The following TATDN1 variants were observed in gnomAD, a reference collection of about 807,000 sequenced individuals.
TATDN1 encodes deoxyribonuclease TATDN1.
In TATDN1, 40 loss-of-function variants were observed where a neutral mutation model predicts 46.4. The observed-to-expected ratio is 0.86, with a 90% confidence interval of 0.67 to 1.12. The LOEUF (loss-of-function observed/expected upper bound fraction) is 1.12. Among genes scored for constraint, TATDN1 ranks in the 50% most tolerant of loss-of-function variants. The pLI, the probability that TATDN1 is intolerant of heterozygous loss-of-function variation, is 0.00. For missense variants in TATDN1, 326 were observed against 348.4 expected (o/e 0.94, Z 0.51); for synonymous variants, 95 against 105.6 (o/e 0.90, Z 0.62).
At chr8:124,494,503 T>C (rs572945952) in intron 10 of TATDN1, 2 of 152,216 alleles carry the variant, frequency 1.3e-5, no homozygotes, top group East Asian at 1.9e-4. Flanking sequence ...GTCCATGGTA[T>C]AAGGAGAGCC....
intron 6 of TATDN1, among the ~76,000 whole-genome samples, chr8:124,514,392 CATT>C (rs1369424794): frequency 6.6e-6 from 1 of 152,182 alleles, no homozygotes; most frequent in Non-Finnish European, 1.5e-5. Context: ...AATTGTTAAA[CATT>C]ATGATATAGC....
chr8:124,528,980 AG>A (rs1178083884), intron 1 of TATDN1, among the ~76,000 whole-genome samples: 2 of 152,214 alleles, frequency 1.3e-5, no homozygotes, highest in Non-Finnish European at 2.9e-5. Context: ...CCCACAGTGA[AG>A]GTTATGGGAT....
intron 10 of TATDN1, 111 bp downstream of exon 10, chr8:124,495,361 G>A (rs1241957942): frequency 6.7e-6 from 5 of 743,840 alleles, no homozygotes; most frequent in Non-Finnish European, 1.1e-5. Flanking sequence ...GGTTGAGCAT[G>A]CTGTTTTAAA....
At position 124,516,429 on chromosome 8, in the gene TATDN1, C is replaced by T. The variant is rs116430286; in HGVS notation, c.203-399G>A. 1.0e-3 allele frequency among the ~76,000 whole-genome samples: 159 copies of T among 151,676 alleles called. 1 individual carries two copies. Among genetic ancestry groups the T allele is most frequent in the African/African-American group, 3.7e-3 (154 of 41,344 alleles). ...GCGATCCTCCCACCTCAGCCTCCCA[C>T]GTAACTGGGGCTACATACGCATGCC... On this transcript the variant is annotated intron_variant, in intron 4 of 11. Coordinates refer to ENST00000276692, the MANE Select transcript of TATDN1 (RefSeq NM_032026.4).
At chr8:124,520,509 C>T (rs1044198667) in intron 3 of TATDN1, among the ~76,000 whole-genome samples, 3 of 151,648 alleles carry the variant, frequency 2.0e-5, no homozygotes, top group Non-Finnish European at 2.9e-5. Context: ...AACTTTAATA[C>T]TAGAACAGAT....
Position 124,515,745 on chromosome 8 carries a change from C to T in TATDN1, c.389+1G>A, listed in dbSNP as rs983035094. On this transcript the variant is annotated splice_donor_variant, in intron 6 of 11. Coordinates refer to ENST00000276692, the MANE Select transcript of TATDN1 (RefSeq NM_032026.4). LOFTEE classifies it high-confidence loss of function. ...TTTGTAAAGCCAACAAATTTCCTTA[C>T]TTGAGTTGAGTATCTTTGGGACAAA... 7 of 1,612,714 alleles carry T rather than the reference C, an allele frequency of 4.3e-6. No individual in the cohort carries two copies. The highest frequency in any genetic ancestry group is 1.7e-4 in the Middle Eastern group (1 of 6,048).
rs554931207 is a variant in TATDN1, at chr8:124,534,472, T to C, written c.22+4553A>G. Reference sequence around the variant, plus strand: ...TACAGTATTCTCATACTCACAATACTCTGAATTTTTTGTTTGTTTGTTTTA... The same window carrying C: ...TACAGTATTCTCATACTCACAATACCCTGAATTTTTTGTTTGTTTGTTTTA... On this transcript the variant is annotated intron_variant, in intron 1 of 11. Coordinates refer to ENST00000276692, the MANE Select transcript of TATDN1 (RefSeq NM_032026.4). Among the ~76,000 whole-genome samples, 7 of 152,262 alleles carry C rather than the reference T, an allele frequency of 4.6e-5. No homozygotes were observed. In the South Asian group the frequency reaches 6.2e-4, roughly 13 times the overall value.
chr8:124,505,123 G>T (rs935170272), intron 8 of TATDN1, among the ~76,000 whole-genome samples: 1 of 150,952 alleles, frequency 6.6e-6, no homozygotes, highest in African/African-American at 2.4e-5. Flanking sequence ...AATGGCTCAC[G>T]CCTGTAACCC....
intron 9 of TATDN1, among the ~76,000 whole-genome samples, chr8:124,498,368 C>A (rs560632146): frequency 6.6e-6 from 1 of 152,156 alleles, no homozygotes; most frequent in East Asian, 1.9e-4. Flanking sequence ...TGTAAGCACT[C>A]CAAGCCCTAG....
chr8:124,531,278 C>A (rs1342468904), intron 1 of TATDN1, among the ~76,000 whole-genome samples: 5 of 152,142 alleles, frequency 3.3e-5, no homozygotes, highest in African/African-American at 7.2e-5. Context: ...AAGGGGAGAG[C>A]TGACATTTAC....
At chr8:124,523,269 T>C (rs1373211597) in intron 1 of TATDN1, 9 of 384,606 alleles carry the variant, frequency 2.3e-5, no homozygotes, top group Admixed American at 1.3e-4. Context: ...TAAACACTGG[T>C]ACTATGGGAC....
rs144645689 is a variant in TATDN1 at position 124,536,575 on chromosome 8, T to C, written c.22+2450A>G. On this transcript the variant is annotated intron_variant, in intron 1 of 11. Transcript: ENST00000276692. ...AACAAAAACCCCCACTGTTGGGGTA[T>C]AGTTCTAAGGGGCAGCCACTTGTTA... 2.6e-5 allele frequency among the ~76,000 whole-genome samples: 4 copies of C among 152,242 alleles called. No individual in the cohort carries two copies. In the East Asian group the frequency reaches 5.8e-4, roughly 22 times the overall value.
intron 3 of TATDN1, among the ~76,000 whole-genome samples, chr8:124,520,371 A>T (rs1269814754): frequency 1.3e-5 from 2 of 151,380 alleles, no homozygotes; most frequent in Non-Finnish European, 2.9e-5. Context: ...CGGGAGGCAG[A>T]GGTTGCAGTG....
intron 9 of TATDN1, among the ~76,000 whole-genome samples, chr8:124,500,799 T>G (rs1817899369): frequency 6.6e-6 from 1 of 150,854 alleles, no homozygotes; most frequent in African/African-American, 2.4e-5. Flanking sequence ...AAACCAGGAT[T>G]TTTTTAAATG....
chr8:124,538,348 G>A (rs1184502590), intron 1 of TATDN1: 1 of 153,190 alleles, frequency 6.5e-6, no homozygotes, highest in Non-Finnish European at 1.5e-5. Context: ...AAGCAGAGGT[G>A]TGATCACTGT....
chr8:124,504,445 G>GT (rs1818228974), intron 8 of TATDN1, 98 bp from the exon 9 acceptor site: 2 of 720,428 alleles, frequency 2.8e-6, no homozygotes, highest in Admixed American at 7.1e-5. Context: ...ATAGATCCCT[G>GT]TAAGTTTTTG....
intron 1 of TATDN1, among the ~76,000 whole-genome samples, chr8:124,524,742 C>A (rs1253702947): frequency 6.6e-6 from 1 of 151,992 alleles, no homozygotes; most frequent in Admixed American, 6.6e-5. Context: ...AATACAAGGA[C>A]AAGTGAGGAT....
intron 1 of TATDN1, 177 bp downstream of exon 1, chr8:124,538,848 T>C (rs1821742539): frequency 7.4e-6 from 5 of 679,916 alleles, no homozygotes; most frequent in African/African-American, 1.8e-5. Flanking sequence ...ATCCAGAACC[T>C]AGATCAAGAA....
intron 4 of TATDN1, among the ~76,000 whole-genome samples, chr8:124,517,446 A>G (rs1048014914): frequency 1.5e-4 from 23 of 152,078 alleles, no homozygotes; most frequent in African/African-American, 4.1e-4. Context: ...AAAAAAAGAA[A>G]AAGTGTGAAT....
Sources: gnomAD v4.1 joint callset for allele counts (sites outside exome capture counted in the v4.1 genomes callset) on GRCh38, gnomAD v4.1.1 for gene constraint, MANE v1.5 for transcripts, NCBI Gene and HGNC (gene_info 2026-07-23, HGNC 2026-07-21) for gene names.